The following GORASP2 variants were observed in gnomAD, a reference collection of about 807,000 sequenced individuals.
GORASP2 encodes the protein Golgi reassembly-stacking protein 2.
In GORASP2, 22 loss-of-function variants were observed where a neutral mutation model predicts 45.7. That is an observed-to-expected ratio of 0.48 (90% CI 0.34 to 0.69). The LOEUF (loss-of-function observed/expected upper bound fraction) is 0.69, where lower values mean the gene tolerates loss of function less well. Among genes scored for constraint, GORASP2 ranks in the 30% least tolerant of loss-of-function variants. GORASP2 has a pLI of 0.01. For missense variants in GORASP2, 491 were observed against 562.7 expected (o/e 0.87, Z 1.29); for synonymous variants, 221 against 215.6 (o/e 1.02, Z -0.22).
chr2:170,947,722 ACTGT>A (rs1206778190), intron 1 of GORASP2, among the ~76,000 whole-genome samples: 3 of 152,160 alleles, frequency 2.0e-5, no homozygotes, highest in African/African-American at 7.2e-5. Context: ...AATTGTAGTG[ACTGT>A]CTGCTGTGTC....
At chr2:170,944,465 G>C (rs1043946925) in intron 1 of GORASP2, among the ~76,000 whole-genome samples, 3 of 152,142 alleles carry the variant, frequency 2.0e-5, no homozygotes, top group African/African-American at 7.2e-5. Flanking sequence ...GGAAATCGAT[G>C]TTAGTAACAA....
intron 1 of GORASP2, among the ~76,000 whole-genome samples, chr2:170,941,370 C>T (rs1238085261): frequency 2.0e-5 from 3 of 152,040 alleles, no homozygotes; most frequent in African/African-American, 7.2e-5. Context: ...GAAAAAAAGG[C>T]ATTGGAAAAA....
At chr2:170,942,472 A>G (rs1704099063) in intron 1 of GORASP2, among the ~76,000 whole-genome samples, 1 of 152,176 alleles carries the variant, frequency 6.6e-6, no homozygotes, top group African/African-American at 2.4e-5. Flanking sequence ...AATTGAATCA[A>G]ACAATATGTG....
rs752197618 is a variant in GORASP2 at position 170,965,819 on chromosome 2, C to T, written c.1048C>T (p.Arg350Ter). The T allele has an allele frequency of 3.1e-6, 5 of 1,613,988 alleles. No individual in the cohort carries two copies. The highest frequency in any genetic ancestry group is 2.5e-6 in the Non-Finnish European group (3 of 1,179,972). The change falls in exon 10 of 10, where the codon CGA becomes TGA. Residue 350 changes from arginine (R) to a stop codon, truncating the protein, a stop_gained. Coordinates refer to ENST00000234160, the MANE Select transcript of GORASP2 (RefSeq NM_015530.5). LOFTEE classifies it high-confidence loss of function. Reference sequence around the variant, plus strand: ...GCCACCTCTTCCTTCCATGCCTCCCCGAAACTTACCTGGCATTGCACCTCT... The same window carrying T: ...GCCACCTCTTCCTTCCATGCCTCCCTGAAACTTACCTGGCATTGCACCTCT... ...GLPPLPSMPP[R>*]NLPGIAPLPL... is the part of the protein sequence containing the mutation.
At chr2:170,946,556 A>C (rs764497156) in intron 1 of GORASP2, among the ~76,000 whole-genome samples, 1 of 152,150 alleles carries the variant, frequency 6.6e-6, no homozygotes, top group Non-Finnish European at 1.5e-5. Context: ...TTATATTAAA[A>C]GTAATCTCAC....
At chr2:170,963,458 T>C (rs1468685326) in intron 9 of GORASP2, among the ~76,000 whole-genome samples, 5 of 126,062 alleles carry the variant, frequency 4.0e-5, no homozygotes, top group Middle Eastern at 3.9e-3. Flanking sequence ...CTGCTCCTCC[T>C]CCTCCTCCTC....
At chr2:170,945,670 A>C (rs1162221965) in intron 1 of GORASP2, among the ~76,000 whole-genome samples, 1 of 152,198 alleles carries the variant, frequency 6.6e-6, no homozygotes, top group Admixed American at 6.5e-5. Context: ...TATATAGGGC[A>C]ACTATTCTTT....
chr2:170,948,681 C>G (rs1402790371), intron 2 of GORASP2: 4 of 251,686 alleles, frequency 1.6e-5, no homozygotes, highest in African/African-American at 9.0e-5. Context: ...TTTTTATAAG[C>G]AGAAAGAAAT....
chr2:170,940,231 C>A (rs1467734712), intron 1 of GORASP2, among the ~76,000 whole-genome samples: 1 of 152,166 alleles, frequency 6.6e-6, no homozygotes, highest in African/African-American at 2.4e-5. Context: ...AGCATGTAGT[C>A]TGGTGATATC....
chr2:170,930,051 T>C (rs1703782406), intron 1 of GORASP2: 1 of 264,998 alleles, frequency 3.8e-6, no homozygotes, highest in Non-Finnish European at 7.8e-6. Flanking sequence ...GGAACTTCCG[T>C]TCTGTTCCGA....
At chr2:170,938,318 A>G (rs932276995) in intron 1 of GORASP2, among the ~76,000 whole-genome samples, 2 of 152,180 alleles carry the variant, frequency 1.3e-5, no homozygotes, top group Non-Finnish European at 2.9e-5. Flanking sequence ...TAGTATTTTT[A>G]TTTGATTAAG....
rs768228606 is a variant in GORASP2 at position 170,966,058 on chromosome 2, C to A, written c.1287C>A (p.Val429=). Residue 429 remains valine (V), a synonymous_variant, in exon 10 of 10, where the codon GTC becomes GTA. Coordinates refer to ENST00000234160, the MANE Select transcript of GORASP2 (RefSeq NM_015530.5). The part of the protein sequence containing the change: ...AKAPTTVEDR[V]GDSTPVSEKP... ...CCCCCACCACCGTTGAGGACAGAGTCGGCGACTCCACCCCAGTCAGCGAGA... is the reference window on the plus strand; with the variant it reads ...CCCCCACCACCGTTGAGGACAGAGTAGGCGACTCCACCCCAGTCAGCGAGA... 2 of 1,613,990 alleles carry A rather than the reference C, an allele frequency of 1.2e-6. No homozygotes were observed. Among genetic ancestry groups the A allele is most frequent in the Non-Finnish European group, 1.7e-6 (2 of 1,179,912 alleles).
At chr2:170,965,094 T>C (rs1161915527) in intron 9 of GORASP2, among the ~76,000 whole-genome samples, 1 of 151,272 alleles carries the variant, frequency 6.6e-6, no homozygotes. Flanking sequence ...TACTTTTTTT[T>C]AGTAGAGACG....
rs199792855 is a variant in GORASP2, at chr2:170,948,412, T to C, written c.126T>C (p.Ser42=). 3.7e-5 allele frequency: 58 copies of C among 1,569,614 alleles called. No individual in the cohort carries two copies. Among genetic ancestry groups the C allele is most frequent in the East Asian group, 3.6e-4 (16 of 44,518 alleles). The change falls in exon 2 of 10, where the codon TCT becomes TCC. Residue 42 remains serine, a synonymous_variant. Transcript: ENST00000234160. ...AGCCTTTCTTTGATTTTATTGTTTC[T>C]ATTAATGGTTCAAGATTAGTAAGTT... ...GLEPFFDFIV[S]INGSRLNKDN... is the part of the protein sequence containing the mutation.
intron 7 of GORASP2, among the ~76,000 whole-genome samples, chr2:170,958,463 T>C (rs1268468807): frequency 2.0e-5 from 3 of 152,066 alleles, no homozygotes; most frequent in African/African-American, 7.2e-5. Context: ...GAACTTAAAG[T>C]TTATTTCATT....
chr2:170,929,885 G>T (rs935734317), intron 1 of GORASP2: 8 of 410,066 alleles, frequency 2.0e-5, no homozygotes, highest in Non-Finnish European at 3.6e-5. Context: ...CCTCGGCGCC[G>T]GCCGAGTGGC....
intron 5 of GORASP2, among the ~76,000 whole-genome samples, chr2:170,953,378 TAAA>T (rs1704347284): frequency 6.6e-6 from 1 of 151,752 alleles, no homozygotes; most frequent in South Asian, 2.1e-4. Flanking sequence ...AATAAATAAA[TAAA>T]TAAAATTAAA....
chr2:170,966,022 C>T lies in GORASP2; in HGVS notation c.1251C>T (p.Pro417=). The part of the protein sequence containing the change: ...ASSLTVDVTP[P]TAKAPTTVED... ...CACTCACTGTGGATGTGACGCCCCC[C>T]ACTGCCAAGGCCCCCACCACCGTTG... The change falls in exon 10 of 10, where the codon CCC becomes CCT. Residue 417 remains proline, a synonymous_variant. Transcript: ENST00000234160. 1 of 1,613,818 alleles carries T rather than the reference C, an allele frequency of 6.2e-7. No homozygotes were observed. Among genetic ancestry groups the T allele is most frequent in the Non-Finnish European group, 8.5e-7 (1 of 1,179,716 alleles).
At chr2:170,947,736 C>T (rs962670902) in intron 1 of GORASP2, among the ~76,000 whole-genome samples, 4 of 152,126 alleles carry the variant, frequency 2.6e-5, no homozygotes, top group Non-Finnish European at 5.9e-5. Context: ...TCTGCTGTGT[C>T]CCCTGCTAAT....
Sources: gnomAD v4.1 joint callset for allele counts (sites outside exome capture counted in the v4.1 genomes callset) on GRCh38, gnomAD v4.1.1 for gene constraint, MANE v1.5 for transcripts, NCBI Gene and HGNC (gene_info 2026-07-23, HGNC 2026-07-21) for gene names.